The following GLIS3 variants were observed in gnomAD, a reference collection of about 807,000 sequenced individuals.
The protein encoded by GLIS3 is zinc finger protein GLIS3.
A neutral mutation model predicts 78.6 loss-of-function variants in GLIS3; 53 were observed. That is an observed-to-expected ratio of 0.67 (90% confidence interval 0.54 to 0.85). The LOEUF (loss-of-function observed/expected upper bound fraction) is 0.85. GLIS3 is among the 40% of genes least tolerant of loss of function. The pLI is 0.00. For synonymous variants in GLIS3, 684 were observed against 509.9 expected, an observed-to-expected ratio of 1.34 and a Z score of -4.60; for missense variants, 1,703 against 1,231.1, an observed-to-expected ratio of 1.38 and a Z score of -5.74.
chr9:3,992,711 C>G (rs1820420184), intron 4 of GLIS3, among the ~76,000 whole-genome samples: 2 of 152,156 alleles, frequency 1.3e-5, no homozygotes, highest in South Asian at 4.1e-4. Context: ...AAAAAATTAA[C>G]AGTGTCTTCA....
At chr9:4,134,341 A>G in intron 2 of GLIS3, among the ~76,000 whole-genome samples, 1 of 152,220 alleles carries the variant, frequency 6.6e-6, no homozygotes, top group East Asian at 1.9e-4. Context: ...ATCAATGCCT[A>G]ATATAAAATA....
rs753397371 is a variant in GLIS3, at chr9:3,898,798, G to A, written c.2021C>T (p.Thr674Ile). ...CAGGGACTGCACGGTGAGGCAATCT[G>A]TGAGCAGGTCTGGATGGAGCTCTGT... ...SSTELHPDLL[T>I]DCLTVQSLQP... Residue 674 changes from threonine to isoleucine, a missense_variant, in exon 7 of 11, where the codon ACA becomes ATA. By Grantham distance (89) the Thr-to-Ile change is moderately conservative. Coordinates refer to ENST00000381971, the MANE Select transcript of GLIS3 (RefSeq NM_001042413.2). 6.2e-6 allele frequency: 10 copies of A among 1,614,088 alleles called. No individual in the cohort carries two copies. Among genetic ancestry groups the A allele is most frequent in the South Asian group, 4.4e-5 (4 of 91,084 alleles).
At chr9:4,394,256 T>C in the GLIS3 span, among the ~76,000 whole-genome samples, 1 of 151,630 alleles carries the variant, frequency 6.6e-6, no homozygotes, top group Non-Finnish European at 1.5e-5. Flanking sequence ...TTTTTAAAAA[T>C]TATTATCTCA....
At chr9:3,906,428 G>A (rs1247091539) in intron 6 of GLIS3, among the ~76,000 whole-genome samples, 3 of 152,196 alleles carry the variant, frequency 2.0e-5, no homozygotes, top group Non-Finnish European at 2.9e-5. Flanking sequence ...TGAATTCACT[G>A]TGTAATATGA....
chr9:4,311,922 A>T (rs1473775502), intron 2 of GLIS3, among the ~76,000 whole-genome samples: 1 of 150,392 alleles, frequency 6.6e-6, no homozygotes, highest in Admixed American at 6.7e-5. Flanking sequence ...TGGAAGTGGA[A>T]ACTACATGAT....
At chr9:3,888,437 G>C (rs538149711) in intron 7 of GLIS3, among the ~76,000 whole-genome samples, 12 of 152,270 alleles carry the variant, frequency 7.9e-5, no homozygotes, top group Non-Finnish European at 2.9e-5. Flanking sequence ...TTTTAGCATA[G>C]ACAGCCAATC....
intron 4 of GLIS3, among the ~76,000 whole-genome samples, chr9:4,050,297 G>A (rs1825637843): frequency 6.6e-6 from 1 of 152,152 alleles, no homozygotes; most frequent in Admixed American, 6.5e-5. Context: ...GTCCTTTGCA[G>A]GGACATGGAT....
At chr9:3,884,082 C>G (rs1429744239) in intron 7 of GLIS3, among the ~76,000 whole-genome samples, 2 of 152,206 alleles carry the variant, frequency 1.3e-5, no homozygotes, top group African/African-American at 4.8e-5. Context: ...CAGATGCCAT[C>G]TCATAGGCTA....
the GLIS3 span, among the ~76,000 whole-genome samples, chr9:4,426,812 A>T: frequency 6.6e-6 from 1 of 152,236 alleles, no homozygotes; most frequent in African/African-American, 2.4e-5. Context: ...AATAGCTCCC[A>T]CTTCACAGAG....
intron 1 of GLIS3, among the ~76,000 whole-genome samples, chr9:4,297,109 G>A (rs1360633417): frequency 2.0e-5 from 3 of 149,330 alleles, no homozygotes; most frequent in African/African-American, 5.0e-5. Context: ...AACACAAGTC[G>A]ATTTTGTACC....
intron 4 of GLIS3, among the ~76,000 whole-genome samples, chr9:4,085,636 G>T (rs565003704): frequency 6.6e-6 from 1 of 152,278 alleles, no homozygotes; most frequent in African/African-American, 2.4e-5. Flanking sequence ...ACTGTTGGAG[G>T]TGGGGCCTGG....
At chr9:3,845,485 G>A (rs2130118091) in intron 9 of GLIS3, among the ~76,000 whole-genome samples, 1 of 152,258 alleles carries the variant, frequency 6.6e-6, no homozygotes. Context: ...ATAAGGCTGG[G>A]AGGGGACTTA....
At chr9:4,334,066 T>C (rs1055044487) in intron 2 of GLIS3, among the ~76,000 whole-genome samples, 2 of 152,130 alleles carry the variant, frequency 1.3e-5, no homozygotes, top group Non-Finnish European at 2.9e-5. Context: ...AGTCTCATAA[T>C]TCAGAGGGCT....
At chr9:4,467,841 G>A in the GLIS3 span, among the ~76,000 whole-genome samples, 244 of 152,266 alleles carry the variant, frequency 1.6e-3, no homozygotes, top group Non-Finnish European at 1.7e-3. Flanking sequence ...AAACTTCTCC[G>A]AGCTAAAGGA....
intron 2 of GLIS3, among the ~76,000 whole-genome samples, chr9:4,144,010 G>C (rs918326150): frequency 1.3e-5 from 2 of 152,164 alleles, no homozygotes; most frequent in African/African-American, 4.8e-5. Flanking sequence ...CCTTAGTATG[G>C]AAAGATTTTC....
chr9:4,278,804 A>C (rs1334355937), intron 2 of GLIS3, among the ~76,000 whole-genome samples: 1 of 152,256 alleles, frequency 6.6e-6, no homozygotes, highest in Non-Finnish European at 1.5e-5. Context: ...AGATCTGGTA[A>C]CACCACCTTA....
intron 4 of GLIS3, among the ~76,000 whole-genome samples, chr9:4,001,413 A>T (rs543547952): frequency 3.5e-4 from 54 of 152,324 alleles, no homozygotes; most frequent in African/African-American, 1.3e-3. Context: ...ATTCTCATAG[A>T]ATTTCCAGAG....
chr9:4,393,063 A>C, the GLIS3 span, among the ~76,000 whole-genome samples: 1 of 152,156 alleles, frequency 6.6e-6, no homozygotes, highest in Non-Finnish European at 1.5e-5. Context: ...GGTGTGTAAA[A>C]AATGTTTATT....
In GLIS3 at chr9:3,880,144, C is replaced by G. The variant is rs373970445; in HGVS notation, c.2129-549G>C. On this transcript the variant is annotated intron_variant, in intron 7 of 10. Coordinates refer to ENST00000381971, the MANE Select transcript of GLIS3 (RefSeq NM_001042413.2). ...TCCTGCACCCTTTTAACTTTAGAGTCTAACTAACCCAGGGAATTTTCCTGA... is the reference window on the plus strand; with the variant it reads ...TCCTGCACCCTTTTAACTTTAGAGTGTAACTAACCCAGGGAATTTTCCTGA... 5.9e-5 allele frequency among the ~76,000 whole-genome samples: 9 copies of G among 152,246 alleles called. No individual in the cohort carries two copies. The South Asian group carries it at 1.9e-3, about 32-fold the overall frequency.
Sources: gnomAD v4.1 joint callset for allele counts (sites outside exome capture counted in the v4.1 genomes callset) on GRCh38, gnomAD v4.1.1 for gene constraint, MANE v1.5 for transcripts, NCBI Gene and HGNC (gene_info 2026-07-23, HGNC 2026-07-21) for gene names.